RAB3B: variants seen among roughly 807,000 people sequenced by gnomAD.
RAB3B encodes the protein ras-related protein Rab-3B.
In RAB3B, 11 loss-of-function variants were observed where a neutral mutation model predicts 20.5. The observed-to-expected ratio is 0.54, with a 90% CI of 0.34 to 0.89. RAB3B has a LOEUF of 0.89. Among genes scored for constraint, RAB3B ranks in the 40% least tolerant of loss-of-function variants. The pLI is 0.02. For synonymous variants in RAB3B, 99 were observed against 106.3 expected, an observed-to-expected ratio of 0.93 and a Z score of 0.42; for missense variants, 225 against 280.9, an observed-to-expected ratio of 0.80 and a Z score of 1.42.
At chr1:51,958,822 A>C (rs958816111) in intron 2 of RAB3B, among the ~76,000 whole-genome samples, 24 of 152,078 alleles carry the variant, frequency 1.6e-4, no homozygotes, top group African/African-American at 5.5e-4. Flanking sequence ...CAGAACTGAT[A>C]GGGGTGGGGG....
chr1:51,928,693 C>G (rs1684281502), intron 4 of RAB3B, among the ~76,000 whole-genome samples: 1 of 152,186 alleles, frequency 6.6e-6, no homozygotes, highest in African/African-American at 2.4e-5. Flanking sequence ...ATCATCTGAT[C>G]TCTCCCCATC....
rs1394952545 is a variant in RAB3B at position 51,918,316 on chromosome 1, T to A, written c.*1611A>T. The A allele has an allele frequency of 2.0e-5, 3 of 152,150 alleles. No individual in the cohort carries two copies. Among genetic ancestry groups the A allele is most frequent in the African/African-American group, 7.2e-5 (3 of 41,416 alleles). The allele number at this position is 152,150 out of a possible 1,614,324, so 9.4% of individuals were successfully genotyped here. A position where few individuals can be genotyped will look rare whatever the true frequency, so the allele number is the denominator to read the frequency against. ...GAATCATACTTCTCAGTTAGACTGC[T>A]CAAGAGCAGTTAAAAGATGGATTGG... On this transcript the variant is annotated 3_prime_UTR_variant, in exon 5 of 5. Coordinates refer to ENST00000371655, the MANE Select transcript of RAB3B (RefSeq NM_002867.4).
intron 1 of RAB3B, among the ~76,000 whole-genome samples, chr1:51,984,431 C>A (rs2124320698): frequency 7.2e-6 from 1 of 138,292 alleles, no homozygotes; most frequent in African/African-American, 2.7e-5. Context: ...TGCTCTGTCA[C>A]CCTGGCTGGA....
chr1:51,979,080 T>C (rs1317034853), intron 1 of RAB3B, among the ~76,000 whole-genome samples: 1 of 152,050 alleles, frequency 6.6e-6, no homozygotes. Context: ...CAAGACTCAC[T>C]AGGCAAGTGT....
At chr1:51,964,273 C>A (rs762495502) in intron 2 of RAB3B, among the ~76,000 whole-genome samples, 2 of 152,158 alleles carry the variant, frequency 1.3e-5, no homozygotes, top group Non-Finnish European at 2.9e-5. Context: ...CACAGTTGAT[C>A]TCTCCTTCCT....
chr1:51,967,521 C>CTTTTTTTTTTTTTCTTTTTTTTT lies in RAB3B; in HGVS notation c.228+9368_228+9369insAAAAAAAAAGAAAAAAAAAAAAA, dbSNP rs771044746. ...TTCCTTTTTCTTTTCTTTTCTTTTT[C>CTTTTTTTTTTTTTCTTTTTTTTT]TTTTTTTTTTTTTTTTTTGAGATAG... On this transcript the variant is annotated intron_variant, in intron 2 of 4. Transcript: ENST00000371655. Among the ~76,000 whole-genome samples the CTTTTTTTTTTTTTCTTTTTTTTT allele has an allele frequency of 1.1e-4, 4 of 36,496 alleles. 1 individual carries two copies. The highest frequency in any genetic ancestry group is 1.4e-4 in the African/African-American group (2 of 14,604). The allele number at this position is 36,496 out of a possible 152,430, so 23.9% of individuals were successfully genotyped here.
At chr1:51,986,440 G>A (rs1378895689) in intron 1 of RAB3B, among the ~76,000 whole-genome samples, 6 of 151,990 alleles carry the variant, frequency 3.9e-5, no homozygotes, top group African/African-American at 7.2e-5. Flanking sequence ...GTGAGCCACC[G>A]CGCCCAGCCA....
At chr1:51,979,368 T>C (rs1192665458) in intron 1 of RAB3B, among the ~76,000 whole-genome samples, 1 of 151,834 alleles carries the variant, frequency 6.6e-6, no homozygotes, top group Non-Finnish European at 1.5e-5. Flanking sequence ...CCCCCTGAGT[T>C]CAAGCGATTC....
intron 4 of RAB3B, among the ~76,000 whole-genome samples, chr1:51,929,688 A>G (rs1418519698): frequency 6.6e-6 from 1 of 152,234 alleles, no homozygotes; most frequent in East Asian, 1.9e-4. Flanking sequence ...TCCTAACTCA[A>G]GTAGAACTTA....
At chr1:51,963,170 T>C (rs749743443) in intron 2 of RAB3B, among the ~76,000 whole-genome samples, 2 of 152,206 alleles carry the variant, frequency 1.3e-5, no homozygotes, top group Non-Finnish European at 2.9e-5. Context: ...CACAGTCATA[T>C]CCTGGACCTT....
chr1:51,986,723 G>A (rs1685156403), intron 1 of RAB3B, among the ~76,000 whole-genome samples: 2 of 152,212 alleles, frequency 1.3e-5, no homozygotes, highest in South Asian at 2.1e-4. Context: ...ACACAGCATG[G>A]CTTTCCCAGT....
At position 51,909,543 on chromosome 1, in the gene RAB3B, TC is replaced by T. The variant is rs1683968447; in HGVS notation, c.*10383del. 1 of 152,064 alleles carries T rather than the reference TC, an allele frequency of 6.6e-6. No individual in the cohort carries two copies. Among genetic ancestry groups the T allele is most frequent in the African/African-American group, 2.4e-5 (1 of 41,400 alleles). The allele number at this position is 152,064 out of a possible 1,614,324, so 9.4% of individuals were successfully genotyped here. A position where few individuals can be genotyped will look rare whatever the true frequency, so the allele number is the denominator to read the frequency against. On this transcript the variant is annotated 3_prime_UTR_variant, in exon 5 of 5. Transcript: ENST00000371655. ...ACAAAGGCTCTGGAGCACTCTAAACTCTCATTCTGGGCTCATTCCTCACTCC... is the reference window on the plus strand; with the variant it reads ...ACAAAGGCTCTGGAGCACTCTAAACTTCATTCTGGGCTCATTCCTCACTCC...
chr1:51,945,089 C>T (rs1217559403), intron 2 of RAB3B, among the ~76,000 whole-genome samples: 1 of 152,222 alleles, frequency 6.6e-6, no homozygotes, highest in Non-Finnish European at 1.5e-5. Context: ...CACCCATGAA[C>T]ATCAAGGCAA....
Position 51,933,424 on chromosome 1 carries a change from G to C in RAB3B, c.366C>G (p.Thr122=), listed in dbSNP as rs759265409. The C allele has an allele frequency of 6.8e-6, 11 of 1,612,730 alleles. No homozygotes were observed. In the South Asian group the frequency reaches 1.2e-4, roughly 18 times the overall value. Residue 122 remains threonine, a synonymous_variant, in exon 4 of 5, where the codon ACC becomes ACG. Transcript: ENST00000371655. ...TAACTTGTGCATTGTCCCAGGAGTA[G>C]GTCTTGATCTGAGTAGCCCTAAAAT... is the stretch of plus-strand genomic sequence containing the variant. ...AVQDWATQIK[T]YSWDNAQVIL... is the part of the protein sequence containing the mutation.
At chr1:51,958,664 G>A (rs1270068072) in intron 2 of RAB3B, among the ~76,000 whole-genome samples, 17 of 152,004 alleles carry the variant, frequency 1.1e-4, no homozygotes, top group African/African-American at 2.4e-4. Context: ...CGGAGGTTGC[G>A]GTGAGCCGAG....
intron 3 of RAB3B, 68 bp downstream of exon 3, chr1:51,937,226 A>T: frequency 7.9e-7 from 1 of 1,268,534 alleles, no homozygotes; most frequent in South Asian, 1.2e-5. Flanking sequence ...CACACAATAC[A>T]GGACCTAGCA....
chr1:51,937,227 G>T, intron 3 of RAB3B, 67 bp downstream of exon 3: 1 of 1,252,110 alleles, frequency 8.0e-7, no homozygotes, highest in South Asian at 1.2e-5. Flanking sequence ...ACACAATACA[G>T]GACCTAGCAC....
intron 2 of RAB3B, among the ~76,000 whole-genome samples, chr1:51,972,657 A>C (rs971768363): frequency 2.0e-5 from 3 of 151,950 alleles, no homozygotes; most frequent in Non-Finnish European, 4.4e-5. Flanking sequence ...AGTTTGCACT[A>C]TCTCTCCCCC....
intron 2 of RAB3B, among the ~76,000 whole-genome samples, chr1:51,955,325 G>A (rs995442853): frequency 2.6e-5 from 4 of 152,188 alleles, no homozygotes; most frequent in African/African-American, 7.2e-5. Context: ...GGGTTCTACA[G>A]CACCCTCTGA....
Sources: gnomAD v4.1 joint callset for allele counts (sites outside exome capture counted in the v4.1 genomes callset) on GRCh38, gnomAD v4.1.1 for gene constraint, MANE v1.5 for transcripts, NCBI Gene and HGNC (gene_info 2026-07-23, HGNC 2026-07-21) for gene names.